The following HDAC9 variants were observed in gnomAD, a reference collection of about 807,000 sequenced individuals.
HDAC9 encodes the protein MEF-2 interacting transcription repressor (MITR) protein.
A neutral mutation model predicts 139.4 loss-of-function variants in HDAC9; 41 were observed. That is an observed-to-expected ratio of 0.29 (90% CI 0.23 to 0.38). The LOEUF is 0.38. HDAC9 is among the 10% of genes least tolerant of loss of function. HDAC9 has a pLI of 1.00. For missense variants in HDAC9, 1,147 were observed against 1,297.0 expected, an observed-to-expected ratio of 0.88 and a Z score of 1.78; for synonymous variants, 517 against 476.2, an observed-to-expected ratio of 1.09 and a Z score of -1.12.
intron 6 of HDAC9, among the ~76,000 whole-genome samples, chr7:18,618,463 AC>A: frequency 6.6e-6 from 1 of 151,950 alleles, no homozygotes; most frequent in East Asian, 1.9e-4. Context: ...GCCTTTCTGG[AC>A]CATGAAATCC....
At chr7:18,782,348 A>T (rs1791315388) in intron 16 of HDAC9, among the ~76,000 whole-genome samples, 1 of 152,136 alleles carries the variant, frequency 6.6e-6, no homozygotes, top group South Asian at 2.1e-4. Context: ...CTGCATTTAG[A>T]TTATACAAAG....
At chr7:18,893,618 G>A (rs73322103) in intron 22 of HDAC9, among the ~76,000 whole-genome samples, 1,889 of 152,298 alleles carry the variant, frequency 0.012, 29 homozygotes, top group African/African-American at 0.043. Flanking sequence ...AATGGACATT[G>A]CAGATATAGA....
At chr7:18,475,198 A>G (rs778743207) in intron 1 of HDAC9, among the ~76,000 whole-genome samples, 18 of 152,200 alleles carry the variant, frequency 1.2e-4, no homozygotes, top group Non-Finnish European at 2.5e-4. Flanking sequence ...CTGCCTTAGT[A>G]ACAAATCTCT....
At chr7:18,893,541 T>C (rs1157497994) in intron 22 of HDAC9, among the ~76,000 whole-genome samples, 2 of 152,156 alleles carry the variant, frequency 1.3e-5, no homozygotes, top group Non-Finnish European at 2.9e-5. Flanking sequence ...TATGGTTATT[T>C]AAATTTAACT....
chr7:18,829,488 A>G lies in HDAC9; in HGVS notation c.2406A>G (p.Ala802=), dbSNP rs768664631. ...GGTTCTGCTTTTTTAATTCAGTTGC[A>G]ATTACCGCCAAATACTTGAGAGACC... ...AMGFCFFNSV[A]ITAKYLRDQL... Residue 802 remains alanine (A), a synonymous_variant, in exon 19 of 26, where the codon GCA becomes GCG. Coordinates refer to ENST00000686413, the MANE Select transcript of HDAC9 (RefSeq NM_178425.4). 6.2e-7 allele frequency: 1 copy of G among 1,612,504 alleles called. No homozygotes were observed. Among genetic ancestry groups the G allele is most frequent in the Non-Finnish European group, 8.5e-7 (1 of 1,178,708 alleles).
At chr7:18,674,411 C>A (rs10254059) in intron 12 of HDAC9, among the ~76,000 whole-genome samples, 4,681 of 152,092 alleles carry the variant, frequency 0.031, 207 homozygotes, top group African/African-American at 0.099. Flanking sequence ...TCTAACCAGG[C>A]ACTCACTTCT....
At position 18,791,687 on chromosome 7, in the gene HDAC9, A is replaced by G. The variant is rs191253458; in HGVS notation, c.2215-1658A>G. ...GAGGGTGATGGAAAGGCATGTGCTG[A>G]CAGGGTCAGAGTTCTGTGTGAGAGT... On this transcript the variant is annotated intron_variant, in intron 16 of 25. Coordinates refer to ENST00000686413, the MANE Select transcript of HDAC9 (RefSeq NM_178425.4). 1.2e-3 allele frequency among the ~76,000 whole-genome samples: 186 copies of G among 152,292 alleles called. 2 individuals carry two copies. The Middle Eastern group carries it at 0.02, about 17-fold the overall frequency.
At chr7:18,909,099 AAGC>A (rs1381417382) in intron 22 of HDAC9, among the ~76,000 whole-genome samples, 1 of 152,092 alleles carries the variant, frequency 6.6e-6, no homozygotes, top group Non-Finnish European at 1.5e-5. Context: ...AACCGGGGTG[AAGC>A]AAGATCTCAT....
chr7:18,117,770 A>G (rs1042632933), intron 1 of HDAC9, among the ~76,000 whole-genome samples: 2 of 152,174 alleles, frequency 1.3e-5, no homozygotes, highest in Non-Finnish European at 2.9e-5. Flanking sequence ...GAGAAAATAA[A>G]CATCTGTGGT....
At chr7:18,350,374 T>C (rs1782760067) in intron 1 of HDAC9, among the ~76,000 whole-genome samples, 1 of 152,156 alleles carries the variant, frequency 6.6e-6, no homozygotes, top group Non-Finnish European at 1.5e-5. Flanking sequence ...CAAAACAACA[T>C]TTAGCAACTG....
chr7:18,270,298 C>CA (rs886301092), intron 2 of HDAC9, among the ~76,000 whole-genome samples: 13 of 150,000 alleles, frequency 8.7e-5, no homozygotes, highest in East Asian at 2.0e-4. Context: ...AGAAATTAAA[C>CA]AAAAAAAAAA....
intron 1 of HDAC9, among the ~76,000 whole-genome samples, chr7:18,328,262 T>G (rs888355186): frequency 6.6e-6 from 1 of 151,894 alleles, no homozygotes; most frequent in Non-Finnish European, 1.5e-5. Context: ...CTTTACTCGT[T>G]TATTGAAGAG....
At chr7:18,771,087 C>T (rs1165005252) in intron 16 of HDAC9, among the ~76,000 whole-genome samples, 1 of 152,056 alleles carries the variant, frequency 6.6e-6, no homozygotes, top group African/African-American at 2.4e-5. Flanking sequence ...CGAGGGAGAA[C>T]AATCCCCTAA....
At chr7:18,352,375 AT>A (rs1163382943) in intron 1 of HDAC9, among the ~76,000 whole-genome samples, 5 of 152,174 alleles carry the variant, frequency 3.3e-5, no homozygotes, top group Non-Finnish European at 5.9e-5. Context: ...GTTGCCACTG[AT>A]TTTTAGTCCT....
chr7:18,629,644 A>G (rs1781730334), intron 7 of HDAC9, among the ~76,000 whole-genome samples, 163 bp downstream of exon 7: 1 of 152,202 alleles, frequency 6.6e-6, no homozygotes, highest in African/African-American at 2.4e-5. Flanking sequence ...AAACCTTGCT[A>G]TGCATTCACC....
chr7:18,094,127 A>G lies in HDAC9; in HGVS notation c.-97+6914A>G, dbSNP rs536413090. On this transcript the variant is annotated intron_variant, in intron 1 of 12. Coordinates refer to the HDAC9 transcript ENST00000417496. ...TGTTAGATCAGGTGCACACCTATGG[A>G]CTACTCCACTGTGGCCAGGCAAAGG... Among the ~76,000 whole-genome samples the G allele has an allele frequency of 1.3e-4, 20 of 152,260 alleles. No individual in the cohort carries two copies. In the East Asian group the frequency reaches 3.9e-3, roughly 29 times the overall value.
At chr7:18,130,530 C>T (rs1784935826) in intron 1 of HDAC9, among the ~76,000 whole-genome samples, 1 of 152,030 alleles carries the variant, frequency 6.6e-6, no homozygotes. Context: ...ATTTACATAT[C>T]ATACAGTTCA....
At chr7:18,231,879 A>G (rs1283908163) in intron 2 of HDAC9, among the ~76,000 whole-genome samples, 3 of 152,218 alleles carry the variant, frequency 2.0e-5, no homozygotes, top group African/African-American at 7.2e-5. Flanking sequence ...CTTTGGTACA[A>G]AGAAATCATT....
rs1584601152 is a variant in HDAC9, at chr7:18,200,684, A to G, written c.25+38335A>G. Among the ~76,000 whole-genome samples, 3 of 152,318 alleles carry G rather than the reference A, an allele frequency of 2.0e-5. No homozygotes were observed. In the South Asian group the frequency reaches 6.2e-4, roughly 32 times the overall value. ...AACATTATGAATGATATTTCTAAGGACATATCTATCTGAAAAATCATACAA... is the reference window on the plus strand; with the variant it reads ...AACATTATGAATGATATTTCTAAGGGCATATCTATCTGAAAAATCATACAA... On this transcript the variant is annotated intron_variant, in intron 2 of 12. Coordinates refer to the HDAC9 transcript ENST00000417496.
Sources: allele counts gnomAD v4.1 joint callset (sites outside exome capture counted in the v4.1 genomes callset), GRCh38; gene constraint gnomAD v4.1.1; transcripts MANE v1.5; gene names NCBI Gene and HGNC (gene_info 2026-07-23, HGNC 2026-07-21).